Variants in ATP2A2 observed in about 807,000 individuals in gnomAD.
The protein encoded by ATP2A2 is sarcoplasmic/endoplasmic reticulum calcium ATPase 2.
ATP2A2 carries 14 observed loss-of-function variants against 109.3 expected under a neutral mutation model. That is an observed-to-expected ratio of 0.13 (90% CI 0.08 to 0.20). The LOEUF (loss-of-function observed/expected upper bound fraction) is 0.20, where lower values mean the gene tolerates loss of function less well. Ranked by LOEUF, ATP2A2 falls within the 10% of genes least tolerant of loss-of-function variation. The pLI is 1.00. For missense variants in ATP2A2, 657 were observed against 1,321.6 expected (o/e 0.50, Z 7.80); for synonymous variants, 506 against 490.9 (o/e 1.03, Z -0.41).
At chr12:110,337,634 A>G (rs115568508) in intron 11 of ATP2A2, among the ~76,000 whole-genome samples, 43 of 152,328 alleles carry the variant, frequency 2.8e-4, no homozygotes, top group African/African-American at 1.0e-3. Context: ...CCTAGGTTAG[A>G]TGCTGATGTT....
At chr12:110,315,118 A>G (rs1447068049) in intron 5 of ATP2A2, among the ~76,000 whole-genome samples, 2 of 152,172 alleles carry the variant, frequency 1.3e-5, no homozygotes, top group African/African-American at 4.8e-5. Context: ...CGCCTGCCTC[A>G]GCCTTCCAGA....
rs1249662320 is a variant in ATP2A2 at position 110,340,897 on chromosome 12, A to G, written c.2000A>G (p.Asp667Gly). The G allele has an allele frequency of 6.2e-7, 1 of 1,614,064 alleles. No individual in the cohort carries two copies. Among genetic ancestry groups the G allele is most frequent in the East Asian group, 2.2e-5 (1 of 44,892 alleles). ...FDELNPSAQR[D>G]ACLNARCFAR... ...GAACTCAACCCCTCCGCCCAGCGAGACGCCTGCCTGAACGCCCGCTGTTTT... is the reference window on the plus strand; with the variant it reads ...GAACTCAACCCCTCCGCCCAGCGAGGCGCCTGCCTGAACGCCCGCTGTTTT... Residue 667 changes from aspartate (D) to glycine (G), a missense_variant, in exon 14 of 20, where the codon GAC (aspartate) becomes GGC (glycine). Coordinates refer to ENST00000539276, the MANE Select transcript of ATP2A2 (RefSeq NM_170665.4). This position sits in a 1 kb window ranked among gnomAD's most constrained non-coding sequence, Gnocchi z 6.0.
At chr12:110,299,698 C>T (rs982754802) in intron 5 of ATP2A2, among the ~76,000 whole-genome samples, 2 of 152,156 alleles carry the variant, frequency 1.3e-5, no homozygotes, top group African/African-American at 4.8e-5. Flanking sequence ...CGGCTCACTG[C>T]AGCATTGACC....
intron 5 of ATP2A2, among the ~76,000 whole-genome samples, chr12:110,297,806 G>A (rs1434858791): frequency 1.3e-5 from 2 of 151,948 alleles, no homozygotes; most frequent in African/African-American, 4.8e-5. Flanking sequence ...TTTGTAGAGA[G>A]GGAGTTTTGC....
At position 110,326,213 on chromosome 12, in the gene ATP2A2, T is replaced by A; in HGVS notation, c.545-177T>A. ...ATCCTGACACCCTTTGTTCTGGTAT[T>A]AATTTCCATTACTAAGTTTTCCCAG... On this transcript the variant is annotated intron_variant, in intron 6 of 19. Transcript: ENST00000539276. 1.1e-5 allele frequency: 7 copies of A among 644,850 alleles called. No homozygotes were observed. In the South Asian group the frequency reaches 1.2e-4, roughly 11 times the overall value. The allele number at this position is 644,850 out of a possible 1,614,324, so 39.9% of individuals were successfully genotyped here.
Position 110,347,334 on chromosome 12 carries a change from G to A in ATP2A2, c.*864G>A, listed in dbSNP as rs1879974545. On this transcript the variant is annotated 3_prime_UTR_variant, in exon 20 of 20. Coordinates refer to ENST00000539276, the MANE Select transcript of ATP2A2 (RefSeq NM_170665.4). Reference sequence around the variant, plus strand: ...ATGGACAGAGAAAAATAACTGTCTTGTCTTTAACTCGTAAGTGGCTTACCT... The same window carrying A: ...ATGGACAGAGAAAAATAACTGTCTTATCTTTAACTCGTAAGTGGCTTACCT... 7.8e-7 allele frequency: 1 copy of A among 1,285,978 alleles called. No individual in the cohort carries two copies. Among genetic ancestry groups the A allele is most frequent in the Non-Finnish European group, 1.0e-6 (1 of 986,446 alleles). The allele number at this position is 1,285,978 out of a possible 1,614,324, so 79.7% of individuals were successfully genotyped here.
At chr12:110,312,161 A>G (rs1261638739) in intron 5 of ATP2A2, among the ~76,000 whole-genome samples, 1 of 152,138 alleles carries the variant, frequency 6.6e-6, no homozygotes, top group Non-Finnish European at 1.5e-5. Context: ...CCTGGGTGAC[A>G]GAGTGAGACA....
chr12:110,323,998 C>T (rs1216190246), intron 6 of ATP2A2, among the ~76,000 whole-genome samples: 1 of 152,000 alleles, frequency 6.6e-6, no homozygotes, highest in Non-Finnish European at 1.5e-5. Context: ...AAAGTTAGCC[C>T]CCATAAGAGA....
chr12:110,284,295 GT>G (rs1225172135), intron 3 of ATP2A2, among the ~76,000 whole-genome samples: 2 of 152,218 alleles, frequency 1.3e-5, no homozygotes, highest in East Asian at 3.8e-4. Flanking sequence ...TTTGGAGCTA[GT>G]GTAAGATTTG....
chr12:110,325,541 G>A (rs1172652798), intron 6 of ATP2A2, among the ~76,000 whole-genome samples: 1 of 151,906 alleles, frequency 6.6e-6, no homozygotes, highest in Non-Finnish European at 1.5e-5. Context: ...GGCTGAGGCT[G>A]GAAAATTGCC....
chr12:110,306,858 G>C (rs1875394989), intron 5 of ATP2A2, among the ~76,000 whole-genome samples: 1 of 152,028 alleles, frequency 6.6e-6, no homozygotes, highest in Admixed American at 6.6e-5. Flanking sequence ...CTCCTTGTGA[G>C]TTCAGGCCAT....
intron 11 of ATP2A2, among the ~76,000 whole-genome samples, chr12:110,335,034 C>A (rs1164730336): frequency 6.6e-6 from 1 of 152,172 alleles, no homozygotes; most frequent in Admixed American, 6.5e-5. Flanking sequence ...GGCCTCTGAG[C>A]CTTTTTCTGC....
In ATP2A2 at chr12:110,349,750, CTG is replaced by C; in HGVS notation, c.*3282_*3283del. The C allele has an allele frequency of 4.9e-6, 5 of 1,015,286 alleles. No homozygotes were observed. Among genetic ancestry groups the C allele is most frequent in the Non-Finnish European group, 5.9e-6 (5 of 846,730 alleles). The allele number at this position is 1,015,286 out of a possible 1,614,324, so 62.9% of individuals were successfully genotyped here. ...AGCAGAGCCAGCAGTTGCCCTGTGA[CTG>C]TAACCACCAAATTGTCCAAACACCC... On this transcript the variant is annotated 3_prime_UTR_variant, in exon 20 of 20. Transcript: ENST00000539276.
rs1880270119 is a variant in ATP2A2, at chr12:110,350,197, A to T, written c.*3727A>T. 8.7e-6 allele frequency: 14 copies of T among 1,612,064 alleles called. No individual in the cohort carries two copies. The South Asian group carries it at 1.4e-4, about 16-fold the overall frequency. ...AAGATCAAGCTGAATGTTCCTTTTC[A>T]TCTGTCGCTGTTGATCTTCATCTAT... On this transcript the variant is annotated 3_prime_UTR_variant, in exon 20 of 20. Transcript: ENST00000539276.
At chr12:110,295,241 C>T (rs1873841924) in intron 4 of ATP2A2, among the ~76,000 whole-genome samples, 1 of 152,082 alleles carries the variant, frequency 6.6e-6, no homozygotes, top group African/African-American at 2.4e-5. Flanking sequence ...CAGCTCACTC[C>T]AATCTCTGCC....
chr12:110,349,836 G>A lies in ATP2A2; in HGVS notation c.*3366G>A. 5 of 1,045,876 alleles carry A rather than the reference G, an allele frequency of 4.8e-6. No individual in the cohort carries two copies. The highest frequency in any genetic ancestry group is 7.1e-5 in the South Asian group (2 of 28,368). 64.8% of individuals were successfully genotyped at this position (1,045,876 alleles called of 1,614,324 possible). On this transcript the variant is annotated 3_prime_UTR_variant, in exon 20 of 20. Coordinates refer to ENST00000539276, the MANE Select transcript of ATP2A2 (RefSeq NM_170665.4). Reference sequence around the variant, plus strand: ...CCTTTACTGAGGAGAATGATGCGGAGGAGTTTCCTCTCCAGGGCTAGGCAA... The same window carrying A: ...CCTTTACTGAGGAGAATGATGCGGAAGAGTTTCCTCTCCAGGGCTAGGCAA...
chr12:110,336,822 G>A (rs565162126), intron 11 of ATP2A2, among the ~76,000 whole-genome samples: 37 of 152,130 alleles, frequency 2.4e-4, no homozygotes, highest in Non-Finnish European at 4.4e-4. Context: ...CTACCCATGT[G>A]TCTTCCATGA....
At chr12:110,306,217 T>C (rs970346944) in intron 5 of ATP2A2, among the ~76,000 whole-genome samples, 1 of 152,194 alleles carries the variant, frequency 6.6e-6, no homozygotes, top group Non-Finnish European at 1.5e-5. Flanking sequence ...GTTTTTGTAT[T>C]TTTAGTAGAG....
chr12:110,314,351 A>AG (rs60280603), intron 5 of ATP2A2, among the ~76,000 whole-genome samples: 1 of 151,452 alleles, frequency 6.6e-6, no homozygotes, highest in Non-Finnish European at 1.5e-5. Context: ...AAAAAAAAAA[A>AG]GTAAAACAAA....
Sources: allele counts gnomAD v4.1 joint callset (sites outside exome capture counted in the v4.1 genomes callset), GRCh38; gene constraint gnomAD v4.1.1; non-coding constraint Gnocchi (gnomAD v3.1); transcripts MANE v1.5; gene names NCBI Gene and HGNC (gene_info 2026-07-23, HGNC 2026-07-21).